Variants in DOCK9 observed in about 807,000 individuals in gnomAD.
The protein encoded by DOCK9 is dedicator of cytokinesis 9, also known as dedicator of cytokinesis protein 9.
In DOCK9, 89 loss-of-function variants were observed where a neutral mutation model predicts 263.3. The observed-to-expected ratio is 0.34, with a 90% CI of 0.28 to 0.40. The LOEUF (loss-of-function observed/expected upper bound fraction) is 0.40. Ranked by LOEUF, DOCK9 falls within the 10% of genes least tolerant of loss-of-function variation. DOCK9 has a pLI of 1.00. For missense variants in DOCK9, 2,140 were observed against 2,603.4 expected (o/e 0.82, Z 3.87); for synonymous variants, 976 against 973.1 (o/e 1.00, Z -0.06).
intron 1 of DOCK9, among the ~76,000 whole-genome samples, chr13:99,011,205 T>A (rs1346217816): frequency 6.6e-6 from 1 of 152,352 alleles, no homozygotes; most frequent in East Asian, 1.9e-4. Context: ...CCTTACCTTT[T>A]AATTTATATT....
chr13:99,024,485 T>C (rs1886485605), intron 1 of DOCK9, among the ~76,000 whole-genome samples: 1 of 152,244 alleles, frequency 6.6e-6, no homozygotes, highest in Non-Finnish European at 1.5e-5. Flanking sequence ...ACTGTTCACG[T>C]TCTTCATATA....
chr13:99,071,658 A>C (rs1453994734), intron 1 of DOCK9, among the ~76,000 whole-genome samples: 1 of 151,988 alleles, frequency 6.6e-6, no homozygotes, highest in Non-Finnish European at 1.5e-5. Flanking sequence ...GAGGCAAGAG[A>C]AGCAGGAACA....
chr13:98,968,691 G>A (rs1362223961), intron 1 of DOCK9, among the ~76,000 whole-genome samples: 1 of 152,196 alleles, frequency 6.6e-6, no homozygotes, highest in Non-Finnish European at 1.5e-5. Flanking sequence ...ATTATAGACT[G>A]TAAGAAATTT....
intron 1 of DOCK9, among the ~76,000 whole-genome samples, chr13:98,976,867 C>T (rs2060326344): frequency 6.6e-6 from 1 of 151,950 alleles, no homozygotes; most frequent in Admixed American, 6.6e-5. Flanking sequence ...GATTCTTAGA[C>T]ATTAATTGAA....
In DOCK9 at chr13:98,794,202, G is replaced by GA. The variant is rs1052526709; in HGVS notation, c.*423dup. The GA allele has an allele frequency of 1.4e-3, 216 of 156,804 alleles. 2 individuals carry two copies. The highest frequency in any genetic ancestry group is 2.5e-3 in the African/African-American group (102 of 41,278). 9.7% of individuals were successfully genotyped at this position (156,804 alleles called of 1,614,324 possible). On this transcript the variant is annotated 3_prime_UTR_variant, in exon 53 of 53. Transcript: ENST00000682017. ...TGTATTCAACCTGAATGTGCCACAG[G>GA]AAAAAAAAAATATTTTCAAGATTTT...
At chr13:98,994,704 T>C (rs1880605464) in intron 1 of DOCK9, among the ~76,000 whole-genome samples, 1 of 152,006 alleles carries the variant, frequency 6.6e-6, no homozygotes, top group African/African-American at 2.4e-5. Context: ...AATTAATTCA[T>C]TGTTCCTTCC....
At chr13:99,056,713 T>C (rs1412483995) in intron 1 of DOCK9, among the ~76,000 whole-genome samples, 2 of 152,186 alleles carry the variant, frequency 1.3e-5, no homozygotes, top group Non-Finnish European at 2.9e-5. Context: ...CCTTTCCCTG[T>C]AACGTGTTGT....
intron 10 of DOCK9, among the ~76,000 whole-genome samples, chr13:98,903,725 T>A (rs1313617644): frequency 6.6e-6 from 1 of 151,790 alleles, no homozygotes; most frequent in Non-Finnish European, 1.5e-5. Context: ...GTCCATCAAG[T>A]ATCCAACCAA....
rs576832097 is a variant in DOCK9, at chr13:99,047,469, T to G, written c.129+38754A>C. On this transcript the variant is annotated intron_variant, in intron 1 of 32. Coordinates refer to the DOCK9 transcript ENST00000427887. ...TTATTTTCACTCCTTAGGTGTTGTC[T>G]GAAAATAATGAAAGTCAAACTTTTT... 9.7e-4 allele frequency among the ~76,000 whole-genome samples: 147 copies of G among 152,100 alleles called. 2 individuals are homozygous for G. The highest frequency in any genetic ancestry group is 3.4e-3 in the African/African-American group (140 of 41,514).
intron 1 of DOCK9, among the ~76,000 whole-genome samples, chr13:98,994,064 A>G (rs979615050): frequency 1.5e-4 from 23 of 152,194 alleles, no homozygotes; most frequent in Non-Finnish European, 2.9e-4. Context: ...TCCTTAAAGA[A>G]TAAGAAATAT....
chr13:98,918,395 C>T (rs975694140), intron 7 of DOCK9, among the ~76,000 whole-genome samples: 2 of 151,288 alleles, frequency 1.3e-5, no homozygotes, highest in African/African-American at 2.4e-5. Context: ...AAAGATCCAC[C>T]GAGTCACACA....
intron 1 of DOCK9, among the ~76,000 whole-genome samples, chr13:99,004,194 G>A (rs928066016): frequency 2.4e-4 from 36 of 152,108 alleles, no homozygotes; most frequent in Non-Finnish European, 8.8e-5. Flanking sequence ...CATATCCCAC[G>A]TGGCAGCCTT....
intron 15 of DOCK9, among the ~76,000 whole-genome samples, chr13:98,892,017 T>C (rs1026560431): frequency 6.6e-6 from 1 of 152,224 alleles, no homozygotes; most frequent in African/African-American, 2.4e-5. Flanking sequence ...AGAATAGTTT[T>C]GGTTTTTTTG....
chr13:99,087,616 G>A (rs1274525547), upstream of DOCK9, among the ~76,000 whole-genome samples: 1 of 152,160 alleles, frequency 6.6e-6, no homozygotes, highest in Non-Finnish European at 1.5e-5. Context: ...CTCCCGCCCC[G>A]GCTCCGTTTC....
intron 27 of DOCK9, among the ~76,000 whole-genome samples, chr13:98,875,143 C>A (rs1003171560): frequency 2.6e-5 from 4 of 152,174 alleles, no homozygotes; most frequent in African/African-American, 9.7e-5. Flanking sequence ...ATGTTCCAAG[C>A]TGAACGTTTT....
intron 52 of DOCK9, 102 bp downstream of exon 52, chr13:98,797,013 G>T: frequency 8.0e-7 from 1 of 1,243,942 alleles, no homozygotes. Flanking sequence ...TCCTTCAGAT[G>T]TCACAGTTCT....
intron 32 of DOCK9, 38 bp from the exon 33 acceptor site, chr13:98,860,560 C>A: frequency 1.3e-6 from 2 of 1,521,180 alleles, no homozygotes; most frequent in South Asian, 1.2e-5. Context: ...TCAAAGATGA[C>A]TGGAAAGGAT....
rs769982557 is a variant in DOCK9 at position 98,863,421 on chromosome 13, C to T, written c.3414G>A (p.Val1138=). The T allele has an allele frequency of 6.2e-7, 1 of 1,613,812 alleles. No homozygotes were observed. The highest frequency in any genetic ancestry group is 8.5e-7 in the Non-Finnish European group (1 of 1,179,894). The change falls in exon 31 of 53, where the codon GTG becomes GTA. Residue 1138 remains valine, a synonymous_variant. Coordinates refer to ENST00000682017, the MANE Select transcript of DOCK9 (RefSeq NM_001366683.2). ...AATGCTTTATCAGCAGGTTCTTGAG[C>T]ACACTGATGGCGATCAGACGGACCT... ...FREVRLIAIS[V]LKNLLIKHSF...
chr13:99,014,790 A>G (rs575343923), intron 1 of DOCK9, among the ~76,000 whole-genome samples: 91 of 152,182 alleles, frequency 6.0e-4, no homozygotes, highest in Non-Finnish European at 9.4e-4. Flanking sequence ...GCTGGTGGGA[A>G]GGCCACAAGA....
Sources: allele counts gnomAD v4.1 joint callset (sites outside exome capture counted in the v4.1 genomes callset), GRCh38; gene constraint gnomAD v4.1.1; transcripts MANE v1.5; gene names NCBI Gene and HGNC (gene_info 2026-07-23, HGNC 2026-07-21).